Variants in DIAPH3 observed in about 807,000 individuals in gnomAD.
DIAPH3 encodes protein diaphanous homolog 3.
Under a neutral mutation model 144.3 loss-of-function variants are expected in DIAPH3, and 117 were observed. The observed-to-expected ratio is 0.81, with a 90% confidence interval of 0.70 to 0.95. The LOEUF is 0.95. Among genes scored for constraint, DIAPH3 ranks in the 40% least tolerant of loss-of-function variants. The pLI, the probability that DIAPH3 is intolerant of heterozygous loss-of-function variation, is 0.00. For synonymous variants in DIAPH3, 519 were observed against 488.9 expected, an observed-to-expected ratio of 1.06 and a Z score of -0.81; for missense variants, 1,421 against 1,412.7, an observed-to-expected ratio of 1.01 and a Z score of -0.09.
intron 24 of DIAPH3, among the ~76,000 whole-genome samples, chr13:59,825,850 G>C (rs2041379077): frequency 6.6e-6 from 1 of 151,986 alleles, no homozygotes; most frequent in African/African-American, 2.4e-5. Context: ...AGAAGTGTCT[G>C]TTCATATCCT....
At chr13:60,033,332 C>CT (rs949366728) in intron 5 of DIAPH3, among the ~76,000 whole-genome samples, 24 of 152,106 alleles carry the variant, frequency 1.6e-4, no homozygotes, top group East Asian at 9.6e-4. Flanking sequence ...ATGCCCCACT[C>CT]TTTTTTTTAC....
chr13:59,931,666 G>A (rs1484662707), intron 17 of DIAPH3, among the ~76,000 whole-genome samples: 1 of 152,186 alleles, frequency 6.6e-6, no homozygotes, highest in African/African-American at 2.4e-5. Flanking sequence ...TCACTTGTGT[G>A]TATGTATGTA....
At chr13:59,745,205 G>A (rs2036641382) in intron 27 of DIAPH3, among the ~76,000 whole-genome samples, 4 of 152,166 alleles carry the variant, frequency 2.6e-5, no homozygotes, top group African/African-American at 9.7e-5. Flanking sequence ...GAAAGTGAAA[G>A]AGAAGGCAAA....
intron 5 of DIAPH3, among the ~76,000 whole-genome samples, chr13:60,039,305 T>C (rs941168797): frequency 9.4e-6 from 1 of 105,952 alleles, no homozygotes; most frequent in Admixed American, 1.0e-4. Context: ...CCTTGATTTC[T>C]TTCTCTTTTT....
At chr13:59,897,057 T>TA (rs1333360983) in intron 20 of DIAPH3, among the ~76,000 whole-genome samples, 2 of 152,148 alleles carry the variant, frequency 1.3e-5, no homozygotes, top group African/African-American at 4.8e-5. Flanking sequence ...AAAGAGTTAT[T>TA]AAAAAAATTA....
chr13:59,762,499 T>C (rs1188006899), intron 27 of DIAPH3, among the ~76,000 whole-genome samples: 2 of 152,230 alleles, frequency 1.3e-5, no homozygotes, highest in Non-Finnish European at 2.9e-5. Context: ...TTTTAAAGTC[T>C]GGTTACAATG....
At chr13:59,953,339 G>A (rs899038747) in intron 17 of DIAPH3, among the ~76,000 whole-genome samples, 1 of 152,114 alleles carries the variant, frequency 6.6e-6, no homozygotes, top group African/African-American at 2.4e-5. Flanking sequence ...CAAGGAGTGG[G>A]AGAATAAAAT....
chr13:60,072,049 A>G (rs1175246529), intron 4 of DIAPH3, among the ~76,000 whole-genome samples: 1 of 152,050 alleles, frequency 6.6e-6, no homozygotes, highest in East Asian at 1.9e-4. Context: ...CTTCCTCACT[A>G]GACACTCAAT....
Position 59,970,024 on chromosome 13 carries a change from C to T in DIAPH3, c.1994G>A (p.Trp665Ter). 6.2e-7 allele frequency: 1 copy of T among 1,606,918 alleles called. No homozygotes were observed. The highest frequency in any genetic ancestry group is 8.5e-7 in the Non-Finnish European group (1 of 1,175,594). The change falls in exon 17 of 28, where the codon TGG becomes TAG. Residue 665 changes from tryptophan (W) to a stop codon, truncating the protein, a stop_gained. Transcript: ENST00000400324. LOFTEE classifies it high-confidence loss of function. ...ATACTTATTTTCATTTACTTTTATC[C>T]AGAAACAGTTTTCAGTCATTTCATG... ...RPHEMTENCFWIKVNENKYEN... is the reference protein window; with the variant it reads ...RPHEMTENCF
chr13:60,080,327 C>T (rs1367669076), intron 4 of DIAPH3, among the ~76,000 whole-genome samples: 1 of 151,812 alleles, frequency 6.6e-6, no homozygotes, highest in Non-Finnish European at 1.5e-5. Flanking sequence ...CCGTAACATT[C>T]TACAATGTGT....
intron 13 of DIAPH3, among the ~76,000 whole-genome samples, chr13:59,982,516 T>C (rs2051081784): frequency 6.6e-6 from 1 of 151,574 alleles, no homozygotes; most frequent in South Asian, 2.1e-4. Context: ...TATTTCATTC[T>C]TCTCCCAGGA....
intron 27 of DIAPH3, among the ~76,000 whole-genome samples, chr13:59,748,595 T>C (rs1340951896): frequency 6.6e-6 from 1 of 152,248 alleles, no homozygotes; most frequent in Non-Finnish European, 1.5e-5. Flanking sequence ...TTTCTATTTG[T>C]AAACACCTTA....
intron 17 of DIAPH3, among the ~76,000 whole-genome samples, chr13:59,956,431 C>T (rs1413739219): frequency 7.9e-5 from 12 of 152,204 alleles, no homozygotes; most frequent in Admixed American, 7.9e-4. Flanking sequence ...AAGCCCCAAG[C>T]CTTGGCGGCT....
intron 5 of DIAPH3, among the ~76,000 whole-genome samples, chr13:60,037,713 C>A (rs1010269519): frequency 2.0e-5 from 3 of 151,828 alleles, no homozygotes; most frequent in African/African-American, 7.2e-5. Context: ...GAAAAAGTAG[C>A]ATAAATTAAA....
At chr13:59,887,535 G>A (rs1371092055) in intron 20 of DIAPH3, among the ~76,000 whole-genome samples, 2 of 151,942 alleles carry the variant, frequency 1.3e-5, no homozygotes, top group African/African-American at 4.8e-5. Context: ...TATTATTGTT[G>A]TTGTCTAACT....
intron 24 of DIAPH3, among the ~76,000 whole-genome samples, chr13:59,815,289 C>T (rs2040708185): frequency 6.6e-6 from 1 of 152,070 alleles, no homozygotes; most frequent in African/African-American, 2.4e-5. Context: ...ATTATTAAGG[C>T]TTACATCTTA....
intron 4 of DIAPH3, among the ~76,000 whole-genome samples, chr13:60,048,225 G>A (rs915670980): frequency 2.0e-5 from 3 of 152,162 alleles, no homozygotes; most frequent in African/African-American, 7.2e-5. Flanking sequence ...AAATGGGATG[G>A]GTAAAGAGCA....
At chr13:59,807,033 A>G (rs2139524607) in intron 25 of DIAPH3, among the ~76,000 whole-genome samples, 1 of 152,016 alleles carries the variant, frequency 6.6e-6, no homozygotes, top group South Asian at 2.1e-4. Flanking sequence ...TATAATATGG[A>G]AAAAAGTTGA....
chr13:59,914,877 T>C (rs1453021701), intron 19 of DIAPH3, among the ~76,000 whole-genome samples: 2 of 152,194 alleles, frequency 1.3e-5, no homozygotes, highest in African/African-American at 4.8e-5. Context: ...ATAATAAATT[T>C]GTATTATTTT....
Sources: allele counts gnomAD v4.1 joint callset (sites outside exome capture counted in the v4.1 genomes callset), GRCh38; gene constraint gnomAD v4.1.1; transcripts MANE v1.5; gene names NCBI Gene and HGNC (gene_info 2026-07-23, HGNC 2026-07-21).